Variants in HSPA12A observed in about 807,000 individuals in gnomAD.
HSPA12A encodes heat shock protein family A (Hsp70) member 12A.
Under a neutral mutation model 69.2 loss-of-function variants are expected in HSPA12A, and 28 were observed. The observed-to-expected ratio is 0.40, with a 90% CI of 0.30 to 0.55. The LOEUF (loss-of-function observed/expected upper bound fraction) is 0.55, where lower values mean the gene tolerates loss of function less well. Ranked by LOEUF, HSPA12A falls within the 20% of genes least tolerant of loss-of-function variation. HSPA12A has a pLI of 0.38. For missense variants in HSPA12A, 686 were observed against 900.7 expected (o/e 0.76, Z 3.05); for synonymous variants, 345 against 370.5 (o/e 0.93, Z 0.79).
rs117452329 is a variant in HSPA12A, at chr10:116,810,785, C to T, written c.91+24150G>A. On this transcript the variant is annotated intron_variant, in intron 2 of 12. Coordinates refer to the HSPA12A transcript ENST00000635765. ...GTAGGCTCAAGTTTGAGAACCAGTG[C>T]GCTAATCAAATTTCCCCTACAGCTC... 6.9e-4 allele frequency among the ~76,000 whole-genome samples: 105 copies of T among 152,230 alleles called. 1 individual carries two copies. In the East Asian group the frequency reaches 0.017, roughly 24 times the overall value.
intron 10 of HSPA12A, among the ~76,000 whole-genome samples, chr10:116,677,093 T>C (rs1455756759): frequency 1.3e-5 from 2 of 152,168 alleles, no homozygotes; most frequent in Non-Finnish European, 2.9e-5. Context: ...TTGGGCAGAT[T>C]AGACTCCATT....
upstream of HSPA12A, among the ~76,000 whole-genome samples, chr10:116,747,120 C>T (rs1851666289): frequency 6.6e-6 from 1 of 152,196 alleles, no homozygotes; most frequent in South Asian, 2.1e-4. Context: ...GTGTATACAT[C>T]CTCCCCACCT....
chr10:116,805,233 G>A (rs1433815196), intron 2 of HSPA12A, among the ~76,000 whole-genome samples: 2 of 152,018 alleles, frequency 1.3e-5, no homozygotes, highest in Non-Finnish European at 2.9e-5. Flanking sequence ...GGAGAATGGC[G>A]TGAACCCGGG....
chr10:116,843,783 C>G (rs1845839036), intron 1 of HSPA12A, among the ~76,000 whole-genome samples: 1 of 152,178 alleles, frequency 6.6e-6, no homozygotes, highest in Non-Finnish European at 1.5e-5. Context: ...TGGGCCCCAC[C>G]CTCTGGAGAT....
intron 3 of HSPA12A, among the ~76,000 whole-genome samples, chr10:116,702,402 T>C (rs1053001915): frequency 2.0e-4 from 30 of 152,274 alleles, no homozygotes; most frequent in African/African-American, 6.5e-4. Context: ...CGCTCCCAGC[T>C]GATCCCGGAC....
At chr10:116,692,221 G>T in intron 6 of HSPA12A, 130 bp downstream of exon 6, 1 of 685,248 alleles carries the variant, frequency 1.5e-6, no homozygotes, top group Non-Finnish European at 2.5e-6. Flanking sequence ...ACCCTGGCTA[G>T]GGGAGCCTCC....
At chr10:116,849,354 C>A (rs978471539) in intron 1 of HSPA12A, among the ~76,000 whole-genome samples, 51 of 152,324 alleles carry the variant, frequency 3.3e-4, no homozygotes, top group African/African-American at 9.6e-4. Flanking sequence ...GAGCCCAACC[C>A]CCGGACCTAA....
At chr10:116,734,448 T>TAA (rs34843566) in intron 1 of HSPA12A, among the ~76,000 whole-genome samples, 20 of 101,422 alleles carry the variant, frequency 2.0e-4, no homozygotes, top group Middle Eastern at 5.2e-3. Context: ...AGACTCTGTC[T>TAA]AAAAAAAAAA....
intron 1 of HSPA12A, among the ~76,000 whole-genome samples, chr10:116,847,496 G>A (rs1320619670): frequency 5.3e-5 from 8 of 152,092 alleles, no homozygotes; most frequent in African/African-American, 1.9e-4. Context: ...TGGGATTCCA[G>A]CTTCTTCATA....
At position 116,742,530 on chromosome 10, in the gene HSPA12A, C is replaced by A. The variant is rs1358206109; in HGVS notation, c.-61G>T. 1 of 1,203,246 alleles carries A rather than the reference C, an allele frequency of 8.3e-7. No homozygotes were observed. Among genetic ancestry groups the A allele is most frequent in the South Asian group, 3.4e-5 (1 of 29,118 alleles). The allele number at this position is 1,203,246 out of a possible 1,614,324, so 74.5% of individuals were successfully genotyped here. ...GCGCAGCGCCCGTGCCCGTGCGGGT[C>A]TCTGTCCGCGTCCGCGGCGGCGCTC... is the stretch of plus-strand genomic sequence containing the variant. On this transcript the variant is annotated 5_prime_UTR_variant, in exon 1 of 12. Coordinates refer to ENST00000369209, the MANE Select transcript of HSPA12A (RefSeq NM_025015.3).
At chr10:116,836,189 C>T (rs903396505) in intron 1 of HSPA12A, among the ~76,000 whole-genome samples, 1 of 152,158 alleles carries the variant, frequency 6.6e-6, no homozygotes, top group Non-Finnish European at 1.5e-5. Context: ...AGTGTTGCCT[C>T]TCCTCTCCAG....
At chr10:116,702,339 G>A (rs986019218) in intron 3 of HSPA12A, among the ~76,000 whole-genome samples, 2 of 152,122 alleles carry the variant, frequency 1.3e-5, no homozygotes, top group Admixed American at 1.3e-4. Flanking sequence ...AGGTGGGGAC[G>A]CAGTGCAGGA....
intron 2 of HSPA12A, among the ~76,000 whole-genome samples, chr10:116,760,326 C>T (rs993029909): frequency 8.5e-5 from 13 of 152,108 alleles, no homozygotes; most frequent in South Asian, 8.3e-4. Flanking sequence ...TCAAGGGCAC[C>T]GAGAGCTCCC....
chr10:116,756,836 A>C (rs1009099778), intron 2 of HSPA12A, among the ~76,000 whole-genome samples: 2 of 152,218 alleles, frequency 1.3e-5, no homozygotes, highest in African/African-American at 4.8e-5. Context: ...GGAAAACAAG[A>C]GAATACAACT....
chr10:116,825,730 TGGGTATAAG>T (rs1344808925), intron 2 of HSPA12A, among the ~76,000 whole-genome samples: 2 of 152,104 alleles, frequency 1.3e-5, no homozygotes, highest in South Asian at 4.2e-4. Flanking sequence ...CTGCTGCTAA[TGGGTATAAG>T]GGTTTCTTTT....
At chr10:116,774,997 G>A (rs75792079) in intron 2 of HSPA12A, among the ~76,000 whole-genome samples, 1 of 152,024 alleles carries the variant, frequency 6.6e-6, no homozygotes, top group East Asian at 1.9e-4. Context: ...CAACTGTGCT[G>A]CTTTGGGGGA....
chr10:116,689,612 CACAGACAG>C lies in HSPA12A; in HGVS notation c.663+2731_663+2738del, dbSNP rs58875112. ...ACAGAAGCAGTAGGGCATACAGACA[CACAGACAG>C]ACAGACAGACAGACAGACAGATAGA... On this transcript the variant is annotated intron_variant, in intron 6 of 11. Transcript: ENST00000369209. Among the ~76,000 whole-genome samples, 119 of 150,664 alleles carry C rather than the reference CACAGACAG, an allele frequency of 7.9e-4. No homozygotes were observed. The East Asian group carries it at 0.013, about 16-fold the overall frequency.
At chr10:116,734,837 CA>C (rs1851266653) in intron 1 of HSPA12A, among the ~76,000 whole-genome samples, 1 of 151,792 alleles carries the variant, frequency 6.6e-6, no homozygotes, top group Non-Finnish European at 1.5e-5. Context: ...ACTAAAAATA[CA>C]AAAATTAGCC....
At chr10:116,747,861 T>C (rs1210493990) in intron 2 of HSPA12A, among the ~76,000 whole-genome samples, 1 of 152,092 alleles carries the variant, frequency 6.6e-6, no homozygotes, top group Non-Finnish European at 1.5e-5. Flanking sequence ...TAGCTGGGCA[T>C]GGTGGTGCGT....
Sources: gnomAD v4.1 joint callset for allele counts (sites outside exome capture counted in the v4.1 genomes callset) on GRCh38, gnomAD v4.1.1 for gene constraint, MANE v1.5 for transcripts, NCBI Gene and HGNC (gene_info 2026-07-23, HGNC 2026-07-21) for gene names.